The following THSD7B variants were observed in gnomAD, a reference collection of about 807,000 sequenced individuals.
THSD7B encodes the protein thrombospondin type 1 domain containing 7B.
Under a neutral mutation model 213.6 loss-of-function variants are expected in THSD7B, and 138 were observed. That is an observed-to-expected ratio of 0.65 (90% confidence interval 0.56 to 0.74). The LOEUF is 0.74. Among genes scored for constraint, THSD7B ranks in the 30% least tolerant of loss-of-function variants. The probability of loss-of-function intolerance (pLI) is 0.00; values close to 1 mark genes in which losing one functional copy is unlikely to be tolerated. For missense variants in THSD7B, 1,931 were observed against 1,991.5 expected (o/e 0.97, Z 0.58); for synonymous variants, 742 against 687.0 (o/e 1.08, Z -1.25).
intron 16 of THSD7B, 49 bp from the exon 17 acceptor site, chr2:137,572,357 C>T (rs771614732): frequency 2.0e-5 from 32 of 1,595,548 alleles, no homozygotes; most frequent in Non-Finnish European, 2.1e-5. Context: ...TTTAAATATA[C>T]TCTCCACTGT....
intron 14 of THSD7B, among the ~76,000 whole-genome samples, chr2:137,418,374 G>A (rs75963841): frequency 8.5e-5 from 13 of 152,198 alleles, no homozygotes; most frequent in South Asian, 8.3e-4. Flanking sequence ...GCAACCCATT[G>A]CCCAGACCCC....
At chr2:137,410,337 T>C (rs1686625086) in intron 13 of THSD7B, among the ~76,000 whole-genome samples, 1 of 152,066 alleles carries the variant, frequency 6.6e-6, no homozygotes. Context: ...GATGCGATCT[T>C]AGCTCACTGC....
intron 27 of THSD7B, among the ~76,000 whole-genome samples, chr2:137,674,726 T>A (rs953364021): frequency 6.6e-6 from 1 of 152,208 alleles, no homozygotes; most frequent in Non-Finnish European, 1.5e-5. Context: ...TGTTTTTGCA[T>A]CTCCGCAGCT....
intron 15 of THSD7B, among the ~76,000 whole-genome samples, chr2:137,497,600 T>G (rs1189419518): frequency 6.7e-6 from 1 of 150,338 alleles, no homozygotes. Flanking sequence ...TATATATATA[T>G]GTATGTGTGT....
chr2:136,874,790 C>A (rs1683498633), intron 1 of THSD7B, among the ~76,000 whole-genome samples: 1 of 152,040 alleles, frequency 6.6e-6, no homozygotes, highest in Non-Finnish European at 1.5e-5. Context: ...ATTTTGGATG[C>A]TAAGATATAT....
chr2:136,879,329 A>G (rs1683579204), intron 1 of THSD7B, among the ~76,000 whole-genome samples: 1 of 152,118 alleles, frequency 6.6e-6, no homozygotes, highest in South Asian at 2.1e-4. Context: ...GCCTTATAGT[A>G]TAGTTTGAAG....
intron 14 of THSD7B, among the ~76,000 whole-genome samples, chr2:137,433,484 G>A (rs1687228860): frequency 1.3e-5 from 2 of 151,828 alleles, no homozygotes; most frequent in Non-Finnish European, 2.9e-5. Flanking sequence ...AGCCTCCCAA[G>A]TAGCTGGGAT....
At chr2:137,075,935 G>C (rs1184668173) in intron 3 of THSD7B, among the ~76,000 whole-genome samples, 4 of 152,140 alleles carry the variant, frequency 2.6e-5, no homozygotes, top group Non-Finnish European at 5.9e-5. Context: ...CTGCCTGATT[G>C]TTCCTCTGGA....
At chr2:137,464,481 A>G (rs1371299320) in intron 15 of THSD7B, among the ~76,000 whole-genome samples, 1 of 152,078 alleles carries the variant, frequency 6.6e-6, no homozygotes, top group Non-Finnish European at 1.5e-5. Flanking sequence ...TAACTCTGGG[A>G]GGCTGTGCGA....
Position 137,421,111 on chromosome 2 carries a change from A to T in THSD7B, c.2959+9239A>T, listed in dbSNP as rs1203276493. On this transcript the variant is annotated intron_variant, in intron 14 of 27. Coordinates refer to ENST00000409968, the MANE Select transcript of THSD7B (RefSeq NM_001316349.2). The stretch of plus-strand genomic sequence containing the variant: ...ACAATTTAGGATAACCTTTCTGTGC[A>T]GGGAAAAACACGCTGACTGTGTTTT... Among the ~76,000 whole-genome samples the T allele has an allele frequency of 2.0e-5, 3 of 152,198 alleles. 1 individual carries two copies. Among genetic ancestry groups the T allele is most frequent in the Non-Finnish European group, 4.4e-5 (3 of 68,040 alleles).
intron 15 of THSD7B, among the ~76,000 whole-genome samples, chr2:137,514,348 G>C (rs765529907): frequency 6.6e-6 from 1 of 152,142 alleles, no homozygotes; most frequent in Non-Finnish European, 1.5e-5. Flanking sequence ...AATGTGGAGA[G>C]ATTAAACTGG....
intron 12 of THSD7B, among the ~76,000 whole-genome samples, chr2:137,334,583 C>T (rs201819557): frequency 6.6e-6 from 1 of 152,154 alleles, no homozygotes; most frequent in African/African-American, 2.4e-5. Flanking sequence ...GCCCTACTCT[C>T]CTGTAACATC....
intron 2 of THSD7B, among the ~76,000 whole-genome samples, chr2:136,998,546 T>C (rs549007919): frequency 2.0e-5 from 3 of 152,262 alleles, no homozygotes; most frequent in Admixed American, 6.5e-5. Flanking sequence ...AATTAGACTT[T>C]TAGTGTGAAG....
chr2:137,024,639 T>G (rs1471857227), intron 2 of THSD7B, among the ~76,000 whole-genome samples: 1 of 152,098 alleles, frequency 6.6e-6, no homozygotes, highest in East Asian at 1.9e-4. Flanking sequence ...ATACCTGTAT[T>G]AAAAATTGAT....
chr2:137,454,250 C>T (rs906194481), intron 15 of THSD7B, among the ~76,000 whole-genome samples: 10 of 152,170 alleles, frequency 6.6e-5, no homozygotes, highest in Admixed American at 6.5e-4. Flanking sequence ...TCACTTTTCT[C>T]CACACATACT....
At position 137,246,402 on chromosome 2, in the gene THSD7B, A is replaced by G. The variant is rs544815290; in HGVS notation, c.2266+3830A>G. ...ATAACAACCAGGGAATCACTGGATT[A>G]TGAAAATCTCAAACCACGTTCATTC... On this transcript the variant is annotated intron_variant, in intron 10 of 27. Transcript: ENST00000409968. Among the ~76,000 whole-genome samples, 11 of 152,300 alleles carry G rather than the reference A, an allele frequency of 7.2e-5. No individual in the cohort carries two copies. The South Asian group carries it at 2.3e-3, about 32-fold the overall frequency.
At chr2:136,932,255 C>T (rs79010804) in intron 2 of THSD7B, among the ~76,000 whole-genome samples, 1,647 of 152,096 alleles carry the variant, frequency 0.011, 22 homozygotes, top group African/African-American at 0.038. Flanking sequence ...AAATTATTTT[C>T]CTAAGGAAAT....
At chr2:137,406,825 CA>C (rs1056468850) in intron 13 of THSD7B, among the ~76,000 whole-genome samples, 113 of 152,290 alleles carry the variant, frequency 7.4e-4, no homozygotes, top group African/African-American at 2.6e-3. Flanking sequence ...CTATCTTCCA[CA>C]AAAATTTGTG....
chr2:136,862,671 C>G (rs1179387633), intron 1 of THSD7B, among the ~76,000 whole-genome samples: 1 of 152,176 alleles, frequency 6.6e-6, no homozygotes, highest in East Asian at 1.9e-4. Context: ...ATGAAGCGTC[C>G]TTTATGCTAG....
Sources: gnomAD v4.1 joint callset for allele counts (sites outside exome capture counted in the v4.1 genomes callset) on GRCh38, gnomAD v4.1.1 for gene constraint, MANE v1.5 for transcripts, NCBI Gene and HGNC (gene_info 2026-07-23, HGNC 2026-07-21) for gene names.